The following DZIP1 variants were observed in gnomAD, a reference collection of about 807,000 sequenced individuals.
The protein encoded by DZIP1 is DAZ interacting zinc finger protein 1, also known as cilium assembly protein DZIP1.
In DZIP1, 97 loss-of-function variants were observed where a neutral mutation model predicts 107.6. The observed-to-expected ratio is 0.90, with a 90% CI of 0.77 to 1.07. The LOEUF (loss-of-function observed/expected upper bound fraction) is 1.07, where lower values mean the gene tolerates loss of function less well. DZIP1 is among the 50% of genes least tolerant of loss of function. The probability of loss-of-function intolerance (pLI) is 0.00; values close to 1 mark genes in which losing one functional copy is unlikely to be tolerated. For missense variants in DZIP1, 1,035 were observed against 1,063.6 expected (o/e 0.97, Z 0.37); for synonymous variants, 390 against 386.4 (o/e 1.01, Z -0.11).
Position 95,634,198 on chromosome 13 carries a change from C to G in DZIP1, c.598-877G>C, listed in dbSNP as rs75290687. The stretch of plus-strand genomic sequence containing the variant: ...TTGCCCCTGCCTGATCTTATCCAGA[C>G]CCTCCTCCCATGGCTGGCACCTTCT... On this transcript the variant is annotated intron_variant, in intron 5 of 22. Transcript: ENST00000376829. Among the ~76,000 whole-genome samples the G allele has an allele frequency of 4.4e-3, 677 of 152,318 alleles. 1 individual carries two copies. The highest frequency in any genetic ancestry group is 7.8e-3 in the Non-Finnish European group (532 of 68,034).
Position 95,582,140 on chromosome 13 carries a change from A to T in DZIP1, c.*94T>A. 8.4e-7 allele frequency: 1 copy of T among 1,193,616 alleles called. No individual in the cohort carries two copies. The highest frequency in any genetic ancestry group is 1.2e-6 in the Non-Finnish European group (1 of 803,494). The allele number at this position is 1,193,616 out of a possible 1,614,324, so 73.9% of individuals were successfully genotyped here. On this transcript the variant is annotated 3_prime_UTR_variant, in exon 23 of 23. Coordinates refer to ENST00000376829, the MANE Select transcript of DZIP1 (RefSeq NM_198968.4). ...TCTGTGTTGCTGTGGGAAACACGGT[A>T]AGGCAGAAGCACTAGAATCATGGAG...
chr13:95,583,400 C>T (rs1034778098), intron 22 of DZIP1, among the ~76,000 whole-genome samples: 3 of 152,152 alleles, frequency 2.0e-5, no homozygotes, highest in Non-Finnish European at 4.4e-5. Flanking sequence ...TATCTAAAGT[C>T]AATGAATCAA....
Position 95,582,166 on chromosome 13 carries a change from G to A in DZIP1, c.*68C>T. Reference sequence around the variant, plus strand: ...AGGCAGAAGCACTAGAATCATGGAGGCAAATTACTGAAACACTGTGATACT... The same window carrying A: ...AGGCAGAAGCACTAGAATCATGGAGACAAATTACTGAAACACTGTGATACT... On this transcript the variant is annotated 3_prime_UTR_variant, in exon 23 of 23. Transcript: ENST00000376829. 1 of 1,470,506 alleles carries A rather than the reference G, an allele frequency of 6.8e-7. No homozygotes were observed. Among genetic ancestry groups the A allele is most frequent in the Non-Finnish European group, 9.5e-7 (1 of 1,050,582 alleles). 91.1% of individuals were successfully genotyped at this position (1,470,506 alleles called of 1,614,324 possible).
intron 19 of DZIP1, among the ~76,000 whole-genome samples, chr13:95,588,767 T>G (rs1348106902): frequency 6.6e-6 from 1 of 152,170 alleles, no homozygotes; most frequent in African/African-American, 2.4e-5. Context: ...AGTATTAACT[T>G]CCACAAAAAA....
chr13:95,641,521 G>A lies in DZIP1; in HGVS notation c.371C>T (p.Ala124Val), dbSNP rs754737561. The change falls in exon 5 of 23, where the codon GCG (alanine) becomes GTG (valine). Residue 124 changes from alanine (A) to valine (V), a missense_variant. Ala to Val is a moderately conservative substitution (Grantham distance 64). Transcript: ENST00000376829. This position sits in a 1 kb window ranked among gnomAD's most constrained non-coding sequence, Gnocchi z 4.3. Reference protein sequence around the residue: ...DPVLLKLIRLAQFTIEYLLHS... With the variant: ...DPVLLKLIRLVQFTIEYLLHS... ...CAGCAAGTACTCGATGGTGAACTGC[G>A]CCAGACGGATGAGCTTCAGCAGCAC... 1.8e-5 allele frequency: 29 copies of A among 1,614,070 alleles called. No individual in the cohort carries two copies. The highest frequency in any genetic ancestry group is 2.4e-5 in the Non-Finnish European group (28 of 1,180,044).
intron 19 of DZIP1, chr13:95,588,136 C>T (rs926428141): frequency 1.3e-5 from 2 of 156,146 alleles, no homozygotes; most frequent in Admixed American, 6.4e-5. Flanking sequence ...CTTTTACATA[C>T]ACAATCTCAT....
chr13:95,590,352 GT>G lies in DZIP1; in HGVS notation c.1769del (p.Asn590ThrfsTer44). On this transcript the variant is annotated frameshift_variant, in exon 17 of 23. Coordinates refer to ENST00000376829, the MANE Select transcript of DZIP1 (RefSeq NM_198968.4). LOFTEE classifies it high-confidence loss of function. Reference sequence around the variant, plus strand: ...CAAGGAATTCTCGAATTTGATGAAAGTTAGGTATTTCTCTTTCTTGCTTATG... The same window carrying G: ...CAAGGAATTCTCGAATTTGATGAAAGTAGGTATTTCTCTTTCTTGCTTATG... ...ERHKQEREIP[N>X]FHQIREFLEH... The G allele has an allele frequency of 6.2e-7, 1 of 1,613,920 alleles. No homozygotes were observed. Among genetic ancestry groups the G allele is most frequent in the Non-Finnish European group, 8.5e-7 (1 of 1,179,926 alleles).
At chr13:95,622,227 CA>C in intron 9 of DZIP1, 115 bp downstream of exon 9, 1 of 1,296,102 alleles carries the variant, frequency 7.7e-7, no homozygotes, top group Non-Finnish European at 1.1e-6. Context: ...AACAGCTAGT[CA>C]CCTTCAGGGT....
At chr13:95,593,726 C>G (rs1003825360) in intron 16 of DZIP1, among the ~76,000 whole-genome samples, 36 of 152,142 alleles carry the variant, frequency 2.4e-4, no homozygotes, top group African/African-American at 8.7e-4. Flanking sequence ...AGATTTGTTT[C>G]TATGTTTAAA....
intron 13 of DZIP1, among the ~76,000 whole-genome samples, chr13:95,608,080 CT>C (rs2044839371): frequency 6.6e-6 from 1 of 152,066 alleles, no homozygotes; most frequent in South Asian, 2.1e-4. Flanking sequence ...CTTTTAGATC[CT>C]TTTGTATGCT....
chr13:95,610,291 T>C (rs1319670639), intron 12 of DZIP1, among the ~76,000 whole-genome samples: 3 of 150,170 alleles, frequency 2.0e-5, no homozygotes, highest in Non-Finnish European at 4.4e-5. Context: ...TATAGCACTT[T>C]AGAATAATTA....
chr13:95,605,440 A>G (rs1489082658), intron 14 of DZIP1, among the ~76,000 whole-genome samples: 1 of 152,248 alleles, frequency 6.6e-6, no homozygotes, highest in Non-Finnish European at 1.5e-5. Context: ...CATCTATTGG[A>G]TCATGTTAAT....
Position 95,594,036 on chromosome 13 carries a change from C to A in DZIP1, c.1588G>T (p.Ala530Ser), listed in dbSNP as rs778815446. The part of the protein sequence containing the change: ...LNNNKMHLRK[A>S]LKSNSSLTKG... The stretch of plus-strand genomic sequence containing the variant: ...GTGAGGGAGGAGTTACTCTTCAAAG[C>A]TTTCCTTAAATGCATTTTGTTGTTA... Residue 530 changes from alanine to serine, a missense_variant, in exon 16 of 23, where the codon GCT (alanine) becomes TCT (serine). Ala to Ser is a moderately conservative substitution (Grantham distance 99). Transcript: ENST00000376829. The A allele has an allele frequency of 8.9e-5, 144 of 1,610,684 alleles. No homozygotes were observed. The highest frequency in any genetic ancestry group is 1.2e-4 in the Non-Finnish European group (138 of 1,178,468).
chr13:95,638,499 G>A (rs1248414538), intron 5 of DZIP1, among the ~76,000 whole-genome samples: 2 of 152,078 alleles, frequency 1.3e-5, no homozygotes, highest in African/African-American at 4.8e-5. Flanking sequence ...GAAAATCGAT[G>A]AGATTTTTCT....
intron 12 of DZIP1, 35 bp from the exon 13 acceptor site, chr13:95,609,548 T>A (rs978215394): frequency 2.6e-6 from 4 of 1,516,186 alleles, no homozygotes; most frequent in Middle Eastern, 1.7e-4. Flanking sequence ...ACAAAAAACA[T>A]CACAAGCTAT....
intron 14 of DZIP1, among the ~76,000 whole-genome samples, chr13:95,599,789 T>C (rs2044561166): frequency 6.6e-6 from 1 of 152,244 alleles, no homozygotes; most frequent in South Asian, 2.1e-4. Context: ...AGAAAATTAA[T>C]GAAAATATTT....
rs1392789713 is a variant in DZIP1, at chr13:95,612,147, A to G, written c.1204T>C (p.Ser402Pro). Residue 402 changes from serine (S) to proline (P), a missense_variant, in exon 11 of 23, where the codon TCA (serine) becomes CCA (proline). Ser to Pro is a moderately conservative substitution (Grantham distance 74, BLOSUM62 -1). Transcript: ENST00000376829. ...LLSHIEKLRT[S>P]MIDDLNASNV... ...CTTGCATTTAGATCATCTATCATTGAGGTTCGAAGTTTCTCTATATGTGAC... is the reference window on the plus strand; with the variant it reads ...CTTGCATTTAGATCATCTATCATTGGGGTTCGAAGTTTCTCTATATGTGAC... The G allele has an allele frequency of 1.9e-6, 3 of 1,612,730 alleles. No homozygotes were observed. The highest frequency in any genetic ancestry group is 2.5e-6 in the Non-Finnish European group (3 of 1,179,992).
chr13:95,612,208 G>A lies in DZIP1; in HGVS notation c.1174-31C>T, dbSNP rs771545609. 41 of 1,598,176 alleles carry A rather than the reference G, an allele frequency of 2.6e-5. 1 individual carries two copies. The South Asian group carries it at 4.6e-4, about 18-fold the overall frequency. ...AAAAAGTTAAGAAAGGCATCCATCTGTAAGCTGCATGTCAAATGTCTTCAT... is the reference window on the plus strand; with the variant it reads ...AAAAAGTTAAGAAAGGCATCCATCTATAAGCTGCATGTCAAATGTCTTCAT... On this transcript the variant is annotated intron_variant, in intron 10 of 22. Coordinates refer to ENST00000376829, the MANE Select transcript of DZIP1 (RefSeq NM_198968.4).
At chr13:95,618,610 A>G (rs751412340) in intron 10 of DZIP1, among the ~76,000 whole-genome samples, 12 of 152,180 alleles carry the variant, frequency 7.9e-5, no homozygotes, top group Non-Finnish European at 1.6e-4. Context: ...TGGCTCTAGT[A>G]TTGTTCCCAG....
Sources: allele counts gnomAD v4.1 joint callset (sites outside exome capture counted in the v4.1 genomes callset), GRCh38; gene constraint gnomAD v4.1.1; non-coding constraint Gnocchi (gnomAD v3.1); transcripts MANE v1.5; gene names NCBI Gene and HGNC (gene_info 2026-07-23, HGNC 2026-07-21).